The following RALGAPA2 variants were observed in gnomAD, a reference collection of about 807,000 sequenced individuals.
The protein encoded by RALGAPA2 is Ral GTPase activating protein catalytic subunit alpha 2.
Under a neutral mutation model 230.4 loss-of-function variants are expected in RALGAPA2, and 139 were observed. The ratio of observed to expected loss-of-function variants is 0.60; its 90% CI spans 0.53 to 0.69. The LOEUF (loss-of-function observed/expected upper bound fraction) is 0.69. Ranked by LOEUF, RALGAPA2 falls within the 30% of genes least tolerant of loss-of-function variation. The pLI, the probability that RALGAPA2 is intolerant of heterozygous loss-of-function variation, is 0.00. For missense variants in RALGAPA2, 2,163 were observed against 2,276.0 expected, an observed-to-expected ratio of 0.95 and a Z score of 1.01; for synonymous variants, 847 against 837.8, an observed-to-expected ratio of 1.01 and a Z score of -0.19.
intron 37 of RALGAPA2, among the ~76,000 whole-genome samples, chr20:20,444,031 A>C (rs1432740222): frequency 6.6e-6 from 1 of 152,202 alleles, no homozygotes; most frequent in Non-Finnish European, 1.5e-5. Context: ...CCCCCATTCC[A>C]AACCAAGTTA....
chr20:20,689,428 G>C (rs1486271312), intron 1 of RALGAPA2, among the ~76,000 whole-genome samples: 1 of 152,186 alleles, frequency 6.6e-6, no homozygotes, highest in Non-Finnish European at 1.5e-5. Context: ...CAGATCACGA[G>C]GTCAAAAGGT....
At chr20:20,664,387 C>T (rs989740586) in intron 3 of RALGAPA2, among the ~76,000 whole-genome samples, 3 of 152,048 alleles carry the variant, frequency 2.0e-5, no homozygotes, top group African/African-American at 4.8e-5. Context: ...CACACTGCAC[C>T]GGACTCCTCA....
intron 23 of RALGAPA2, among the ~76,000 whole-genome samples, chr20:20,547,845 A>G (rs1313170913): frequency 2.0e-5 from 3 of 152,232 alleles, no homozygotes; most frequent in African/African-American, 7.2e-5. Flanking sequence ...ACACAAACCT[A>G]GATGGTAGAT....
intron 37 of RALGAPA2, among the ~76,000 whole-genome samples, chr20:20,466,741 A>G (rs1393102244): frequency 6.6e-6 from 1 of 152,132 alleles, no homozygotes; most frequent in Admixed American, 6.5e-5. Context: ...CTCATCTCTC[A>G]TCTCCAATCT....
intron 33 of RALGAPA2, among the ~76,000 whole-genome samples, chr20:20,508,622 T>A (rs2062606182): frequency 6.6e-6 from 1 of 152,198 alleles, no homozygotes; most frequent in African/African-American, 2.4e-5. Context: ...AAGAAGGAAC[T>A]ATACATCAAG....
chr20:20,524,565 T>G (rs758224597), intron 29 of RALGAPA2, 22 bp from the exon 30 acceptor site: 1 of 1,613,700 alleles, frequency 6.2e-7, no homozygotes, highest in East Asian at 2.2e-5. Context: ...ACATGCCCGG[T>G]AGCTTATGCT....
chr20:20,572,959 G>C lies in RALGAPA2; in HGVS notation c.2817C>G (p.Leu939=). The C allele has an allele frequency of 6.3e-7, 1 of 1,598,248 alleles. No individual in the cohort carries two copies. Residue 939 remains leucine (L), a synonymous_variant, in exon 21 of 40, where the codon CTC becomes CTG. Transcript: ENST00000202677. ...AVLWRRVLGI[L]GDVNNIQSPK... The stretch of plus-strand genomic sequence containing the variant: ...GTGACTGGATGTTATTCACATCTCC[G>C]AGGATCCCCAAGACCCTTCGCCATA...
rs1463484918 is a variant in RALGAPA2 at position 20,591,269 on chromosome 20, G to A, written c.2249C>T (p.Ser750Phe). ...CTGCTGTCCCACTGTGAGATGGCCA[G>A]ATCCGGCTGCAGGTGCATTTTCTGA... is the stretch of plus-strand genomic sequence containing the variant. ...QQSENAPAAG[S>F]GHLTVGQQQQ... is the part of the protein sequence containing the mutation. The change falls in exon 17 of 40, where the codon TCT (serine) becomes TTT (phenylalanine). Residue 750 changes from serine (S) to phenylalanine (F), a missense_variant. Physicochemically the swap from Ser to Phe is radical, Grantham distance 155 (BLOSUM62 -2). Coordinates refer to ENST00000202677, the MANE Select transcript of RALGAPA2 (RefSeq NM_020343.4). The A allele has an allele frequency of 6.2e-7, 1 of 1,613,900 alleles. No homozygotes were observed.
chr20:20,450,839 T>C (rs2060972157), intron 37 of RALGAPA2, among the ~76,000 whole-genome samples: 1 of 152,246 alleles, frequency 6.6e-6, no homozygotes, highest in East Asian at 1.9e-4. Context: ...GAAAGCATTT[T>C]ATCAGTTACA....
At chr20:20,531,037 C>T (rs911731820) in intron 27 of RALGAPA2, among the ~76,000 whole-genome samples, 2 of 152,206 alleles carry the variant, frequency 1.3e-5, no homozygotes, top group African/African-American at 4.8e-5. Flanking sequence ...GTCTTTAACA[C>T]CACACAGATC....
chr20:20,513,191 C>T lies in RALGAPA2; in HGVS notation c.4178G>A (p.Gly1393Glu). The change falls in exon 32 of 40, where the codon GGG becomes GAG. Residue 1393 changes from glycine to glutamate, a missense_variant. Coordinates refer to ENST00000202677, the MANE Select transcript of RALGAPA2 (RefSeq NM_020343.4). ...AAGGCTGTGCAGTATGGCAGGGCCCCCACTGAGGGGGTAGTGCCCCAGGTG... is the reference window on the plus strand; with the variant it reads ...AAGGCTGTGCAGTATGGCAGGGCCCTCACTGAGGGGGTAGTGCCCCAGGTG... The part of the protein sequence containing the change: ...VNHLGHYPLS[G>E]GPAILHSLVS... 2.6e-6 allele frequency: 4 copies of T among 1,527,782 alleles called. No homozygotes were observed. The highest frequency in any genetic ancestry group is 3.5e-6 in the Non-Finnish European group (4 of 1,141,342). The allele number at this position is 1,527,782 out of a possible 1,614,324, so 94.6% of individuals were successfully genotyped here.
intron 33 of RALGAPA2, among the ~76,000 whole-genome samples, chr20:20,508,737 C>T (rs1312061477): frequency 2.0e-5 from 3 of 152,228 alleles, no homozygotes; most frequent in Non-Finnish European, 4.4e-5. Flanking sequence ...ACAGGGCAGT[C>T]TAGATTTCTC....
At chr20:20,490,829 T>G (rs2062030646) in intron 36 of RALGAPA2, among the ~76,000 whole-genome samples, 1 of 151,200 alleles carries the variant, frequency 6.6e-6, no homozygotes, top group African/African-American at 2.4e-5. Context: ...GGGCTAGATG[T>G]CACCCTGAAG....
rs903298005 is a variant in RALGAPA2 at position 20,432,972 on chromosome 20, C to A, written c.5496-20824G>T. Among the ~76,000 whole-genome samples, 3 of 152,208 alleles carry A rather than the reference C, an allele frequency of 2.0e-5. No homozygotes were observed. In the East Asian group the frequency reaches 5.8e-4, roughly 29 times the overall value. On this transcript the variant is annotated intron_variant, in intron 37 of 39. Coordinates refer to ENST00000202677, the MANE Select transcript of RALGAPA2 (RefSeq NM_020343.4). ...TCTGGAGGTGCACATCTGGCTCACT[C>A]GTGAGCACCAAGAATCTCCTAAGTG...
At chr20:20,710,332 CT>C (rs11477193) in intron 1 of RALGAPA2, among the ~76,000 whole-genome samples, 6,933 of 152,170 alleles carry the variant, frequency 0.046, 255 homozygotes, top group East Asian at 0.16. Flanking sequence ...TCTAAGTAGA[CT>C]TTTTTTCGAG....
Position 20,583,084 on chromosome 20 carries a change from T to C in RALGAPA2, c.2673A>G (p.Leu891=), listed in dbSNP as rs765229085. The change falls in exon 20 of 40, where the codon TTA becomes TTG. Residue 891 remains leucine, a synonymous_variant. Transcript: ENST00000202677. ...VVADADARHW[L]QLSPTDASNL... ...TTGAAGCATCGGTGGGACTCAGTTG[T>C]AACCAATGACGGGCATCAGCATCAG... 1.2e-6 allele frequency: 2 copies of C among 1,613,510 alleles called. No homozygotes were observed. The highest frequency in any genetic ancestry group is 1.3e-5 in the African/African-American group (1 of 74,882).
At chr20:20,492,228 G>T (rs2062078700) in intron 36 of RALGAPA2, among the ~76,000 whole-genome samples, 1 of 152,036 alleles carries the variant, frequency 6.6e-6, no homozygotes, top group Admixed American at 6.6e-5. Flanking sequence ...CCCAAAAAAG[G>T]ATTAAAATTA....
At position 20,435,034 on chromosome 20, in the gene RALGAPA2, C is replaced by T. The variant is rs904829362; in HGVS notation, c.5496-22886G>A. Reference sequence around the variant, plus strand: ...GTCCTACCCCATGCCCAGAAGCTGACGGGACATCACAGAGAGATGGCTCCA... The same window carrying T: ...GTCCTACCCCATGCCCAGAAGCTGATGGGACATCACAGAGAGATGGCTCCA... On this transcript the variant is annotated intron_variant, in intron 37 of 39. Transcript: ENST00000202677. 6.6e-5 allele frequency among the ~76,000 whole-genome samples: 10 copies of T among 152,226 alleles called. No homozygotes were observed. The South Asian group carries it at 8.3e-4, about 13-fold the overall frequency.
Position 20,583,045 on chromosome 20 carries a change from TTTACCTG to T in RALGAPA2, c.2705_2707+4del. The T allele has an allele frequency of 6.2e-7, 1 of 1,612,846 alleles. No individual in the cohort carries two copies. Among genetic ancestry groups the T allele is most frequent in the Non-Finnish European group, 8.5e-7 (1 of 1,179,278 alleles). ...TTAGTGCCTCTTTTTCAAAATGCAA[TTTACCTG>T]TTAAATTTGAAGCATCGGTGGGACT... On this transcript the variant is annotated splice_donor_variant and splice_donor_region_variant and coding_sequence_variant and intron_variant, in exon 20 of 40. Coordinates refer to ENST00000202677, the MANE Select transcript of RALGAPA2 (RefSeq NM_020343.4). LOFTEE classifies it high-confidence loss of function.
Sources: allele counts gnomAD v4.1 joint callset (sites outside exome capture counted in the v4.1 genomes callset), GRCh38; gene constraint gnomAD v4.1.1; transcripts MANE v1.5; gene names NCBI Gene and HGNC (gene_info 2026-07-23, HGNC 2026-07-21).